The following LRRC7 variants were observed in gnomAD, a reference collection of about 807,000 sequenced individuals.
The protein encoded by LRRC7 is leucine-rich repeat-containing protein 7.
LRRC7 carries 23 observed loss-of-function variants against 175.7 expected under a neutral mutation model. That is an observed-to-expected ratio of 0.13 (90% CI 0.09 to 0.19). LRRC7 has a LOEUF of 0.19. Among genes scored for constraint, LRRC7 ranks in the 10% least tolerant of loss-of-function variants. The pLI is 1.00. For synonymous variants in LRRC7, 685 were observed against 680.9 expected (o/e 1.01, Z -0.09); for missense variants, 1,354 against 1,904.7 (o/e 0.71, Z 5.38).
intron 1 of LRRC7, among the ~76,000 whole-genome samples, chr1:69,626,597 G>A (rs1268541991): frequency 6.6e-6 from 1 of 151,458 alleles, no homozygotes; most frequent in Non-Finnish European, 1.5e-5. Flanking sequence ...TAAGTTCTAG[G>A]ATACATGTGC....
chr1:69,745,624 G>T (rs905057246), intron 2 of LRRC7, among the ~76,000 whole-genome samples: 1 of 151,558 alleles, frequency 6.6e-6, no homozygotes, highest in Non-Finnish European at 1.5e-5. Flanking sequence ...ATGTTTCAAG[G>T]AATATTTAAT....
chr1:69,584,338 A>G (rs1646321510), intron 1 of LRRC7, among the ~76,000 whole-genome samples: 1 of 152,132 alleles, frequency 6.6e-6, no homozygotes, highest in Non-Finnish European at 1.5e-5. Context: ...CTCCCTTGCC[A>G]TCTGCTGCCC....
At chr1:69,855,389 T>C (rs528083913) in intron 7 of LRRC7, among the ~76,000 whole-genome samples, 121 of 152,182 alleles carry the variant, frequency 8.0e-4, no homozygotes, top group Non-Finnish European at 1.6e-3. Context: ...ATGTACCCAG[T>C]AGTCATTCAG....
chr1:69,803,875 G>C (rs1676808321), intron 4 of LRRC7, among the ~76,000 whole-genome samples: 1 of 150,718 alleles, frequency 6.6e-6, no homozygotes, highest in Admixed American at 6.6e-5. Flanking sequence ...TCCTAACATT[G>C]TTTCACACCA....
chr1:69,712,539 C>T (rs968444068), intron 2 of LRRC7, among the ~76,000 whole-genome samples: 3 of 151,918 alleles, frequency 2.0e-5, no homozygotes, highest in East Asian at 1.9e-4. Context: ...CAGGAGGCAG[C>T]GGTTGCAGTG....
At chr1:69,603,544 C>A (rs1647166983) in intron 1 of LRRC7, among the ~76,000 whole-genome samples, 1 of 152,092 alleles carries the variant, frequency 6.6e-6, no homozygotes, top group South Asian at 2.1e-4. Context: ...ACTTGTATTA[C>A]TGAAGTAGCA....
intron 2 of LRRC7, among the ~76,000 whole-genome samples, chr1:69,689,297 G>A (rs536817171): frequency 4.6e-5 from 7 of 152,054 alleles, no homozygotes; most frequent in Non-Finnish European, 8.8e-5. Context: ...TTTATGCAAC[G>A]TCACATAGCT....
At chr1:69,741,950 G>T (rs1425078749) in intron 2 of LRRC7, among the ~76,000 whole-genome samples, 2 of 151,946 alleles carry the variant, frequency 1.3e-5, no homozygotes, top group Non-Finnish European at 2.9e-5. Flanking sequence ...CTTCCATCGT[G>T]TGTGTAAGCC....
At chr1:69,780,587 A>G (rs912982107) in intron 3 of LRRC7, among the ~76,000 whole-genome samples, 1 of 152,196 alleles carries the variant, frequency 6.6e-6, no homozygotes, top group Admixed American at 6.5e-5. Flanking sequence ...CAATTTCACC[A>G]AGTATGTATA....
chr1:69,642,579 G>A (rs1045407421), intron 1 of LRRC7, among the ~76,000 whole-genome samples: 11 of 151,702 alleles, frequency 7.3e-5, no homozygotes, highest in African/African-American at 2.4e-4. Context: ...TTGCTCTAAC[G>A]TGCCTCTCAA....
At chr1:70,006,949 C>T (rs891413413) in intron 11 of LRRC7, among the ~76,000 whole-genome samples, 1 of 152,164 alleles carries the variant, frequency 6.6e-6, no homozygotes, top group African/African-American at 2.4e-5. Context: ...GCTTCCATGT[C>T]CTTGCTGGGT....
chr1:69,579,196 CA>C (rs1234836039), intron 1 of LRRC7, among the ~76,000 whole-genome samples: 4 of 151,860 alleles, frequency 2.6e-5, no homozygotes, highest in African/African-American at 9.6e-5. Context: ...AGGGAGGTAA[CA>C]AAAAAACCCT....
chr1:69,732,636 A>G (rs1667699981), intron 2 of LRRC7, among the ~76,000 whole-genome samples: 1 of 152,108 alleles, frequency 6.6e-6, no homozygotes, highest in Non-Finnish European at 1.5e-5. Context: ...TCCCATACTG[A>G]AGAAAACAGA....
At chr1:69,662,329 A>G (rs540824166) in intron 1 of LRRC7, among the ~76,000 whole-genome samples, 11 of 152,238 alleles carry the variant, frequency 7.2e-5, no homozygotes, top group Admixed American at 4.6e-4. Context: ...TAAAATCTAG[A>G]TTTTTCAAGA....
At chr1:69,590,352 G>A (rs1646583094) in intron 1 of LRRC7, among the ~76,000 whole-genome samples, 1 of 152,154 alleles carries the variant, frequency 6.6e-6, no homozygotes, top group Non-Finnish European at 1.5e-5. Context: ...GATATAGCAC[G>A]TGGTAGGTGC....
At chr1:69,957,273 G>T (rs868114864) in intron 8 of LRRC7, among the ~76,000 whole-genome samples, 1 of 151,734 alleles carries the variant, frequency 6.6e-6, no homozygotes, top group Non-Finnish European at 1.5e-5. Flanking sequence ...CTCTAATGAA[G>T]TATTTTTCTA....
rs543259588 is a variant in LRRC7 at position 69,951,704 on chromosome 1, C to T, written c.711+20134C>T. Among the ~76,000 whole-genome samples, 16 of 152,024 alleles carry T rather than the reference C, an allele frequency of 1.1e-4. No individual in the cohort carries two copies. In the South Asian group the frequency reaches 2.3e-3, roughly 22 times the overall value. ...AATGCAGGAACAGAAAACCAAATAC[C>T]GCATGTTCTCACTTAAAAGTGGGAG... On this transcript the variant is annotated intron_variant, in intron 8 of 26. Coordinates refer to ENST00000651989, the MANE Select transcript of LRRC7 (RefSeq NM_001370785.2).
At chr1:69,894,592 A>G (rs1328671134) in intron 7 of LRRC7, among the ~76,000 whole-genome samples, 2 of 152,216 alleles carry the variant, frequency 1.3e-5, no homozygotes, top group African/African-American at 4.8e-5. Flanking sequence ...AAGCAACCTA[A>G]ATGTCTATGG....
chr1:70,078,812 A>G lies in LRRC7; in HGVS notation c.4452+2514A>G, dbSNP rs918505138. ...CATATACGCGCGCGCGCGCGCGCGCACACACACACACGCACACACACACAC... is the reference window on the plus strand; with the variant it reads ...CATATACGCGCGCGCGCGCGCGCGCGCACACACACACGCACACACACACAC... On this transcript the variant is annotated intron_variant, in intron 24 of 26. Transcript: ENST00000651989. Among the ~76,000 whole-genome samples the G allele has an allele frequency of 3.3e-3, 379 of 113,394 alleles. 1 individual carries two copies. The highest frequency in any genetic ancestry group is 0.018 in the East Asian group (63 of 3,470). 74.4% of individuals were successfully genotyped at this position (113,394 alleles called of 152,430 possible).
Sources: allele counts gnomAD v4.1 joint callset (sites outside exome capture counted in the v4.1 genomes callset), GRCh38; gene constraint gnomAD v4.1.1; transcripts MANE v1.5; gene names NCBI Gene and HGNC (gene_info 2026-07-23, HGNC 2026-07-21).